Variants in MEF2B observed in about 807,000 individuals in gnomAD.
The protein encoded by MEF2B is myocyte-specific enhancer factor 2B.
In MEF2B, 15 loss-of-function variants were observed where a neutral mutation model predicts 32.2. The observed-to-expected ratio is 0.47, with a 90% CI of 0.31 to 0.72. The LOEUF (loss-of-function observed/expected upper bound fraction) is 0.72, where lower values mean the gene tolerates loss of function less well. Among genes scored for constraint, MEF2B ranks in the 30% least tolerant of loss-of-function variants. The pLI is 0.05. For missense variants in MEF2B, 441 were observed against 511.5 expected, an observed-to-expected ratio of 0.86 and a Z score of 1.33; for synonymous variants, 205 against 225.6, an observed-to-expected ratio of 0.91 and a Z score of 0.82.
chr19:19,149,131 A>G (rs2060052102), intron 3 of MEF2B, 95 bp downstream of exon 3: 1 of 1,461,672 alleles, frequency 6.8e-7, no homozygotes, highest in South Asian at 1.2e-5. Context: ...AGCCAGATGA[A>G]GACACTCATC....
intron 3 of MEF2B, 56 bp from the exon 4 acceptor site, chr19:19,147,888 C>A: frequency 3.2e-6 from 5 of 1,573,978 alleles, no homozygotes; most frequent in Non-Finnish European, 4.3e-6. Context: ...CCCAGGGAAC[C>A]CAGTTCTATG....
At chr19:19,163,461 TTTCTGCA>T (rs1317627374) in intron 1 of MEF2B, among the ~76,000 whole-genome samples, 2 of 152,106 alleles carry the variant, frequency 1.3e-5, no homozygotes, top group Non-Finnish European at 2.9e-5. Context: ...AATTCAACTC[TTTCTGCA>T]GCACCTCAGC....
intron 1 of MEF2B, among the ~76,000 whole-genome samples, chr19:19,168,113 G>A (rs903685997): frequency 3.3e-5 from 5 of 152,160 alleles, no homozygotes; most frequent in South Asian, 4.1e-4. Context: ...CTGGTTCTCC[G>A]AAGTCGAAAT....
chr19:19,148,238 C>T (rs765744404), intron 3 of MEF2B, among the ~76,000 whole-genome samples: 7 of 152,230 alleles, frequency 4.6e-5, no homozygotes, highest in Admixed American at 4.6e-4. Context: ...CCGAGGCAGG[C>T]AGATCGCTTG....
At chr19:19,159,637 G>A (rs2060144531) in intron 1 of MEF2B, among the ~76,000 whole-genome samples, 1 of 152,178 alleles carries the variant, frequency 6.6e-6, no homozygotes, top group South Asian at 2.1e-4. Flanking sequence ...CCTGAGCGAT[G>A]TGGGGGTGAG....
In MEF2B at chr19:19,146,376, G is replaced by A; in HGVS notation, c.778C>T (p.Leu260=). ...FLPGGPPEYG[L]GDPPPPPGLL... ...CCAGGGGGCGGTGGAGGGTCTCCCA[G>A]GCCATATTCTGGTGGGCAGGAATTG... is the stretch of plus-strand genomic sequence containing the variant. Residue 260 remains leucine, a synonymous_variant, in exon 8 of 9, where the codon CTG becomes TTG. Transcript: ENST00000424583. 1 of 1,123,608 alleles carries A rather than the reference G, an allele frequency of 8.9e-7. No individual in the cohort carries two copies. The allele number at this position is 1,123,608 out of a possible 1,614,324, so 69.6% of individuals were successfully genotyped here.
chr19:19,149,190 G>A (rs749336061), intron 3 of MEF2B, 36 bp downstream of exon 3: 8 of 1,609,924 alleles, frequency 5.0e-6, no homozygotes, highest in East Asian at 2.2e-5. Context: ...AGCGTGCACG[G>A]GGCCTTGTGG....
At chr19:19,157,767 G>A (rs991461422) in intron 1 of MEF2B, among the ~76,000 whole-genome samples, 4 of 152,212 alleles carry the variant, frequency 2.6e-5, no homozygotes, top group Non-Finnish European at 5.9e-5. Flanking sequence ...AGAATAGCTT[G>A]AACCCAGGAG....
intron 1 of MEF2B, 31 bp from the exon 2 acceptor site, chr19:19,150,795 A>T: frequency 6.2e-7 from 1 of 1,613,094 alleles, no homozygotes. Context: ...GGACAGAGTG[A>T]GTGGGTGGAG....
chr19:19,150,016 C>T lies in MEF2B; in HGVS notation c.55-587G>A, dbSNP rs542698578. ...AGGAGAATCACTTGAACCCAGGAGG[C>T]GGAGCTTGCAGTGAGCCGAGATCGC... On this transcript the variant is annotated intron_variant, in intron 2 of 8. Transcript: ENST00000424583. 5.1e-5 allele frequency among the ~76,000 whole-genome samples: 7 copies of T among 135,972 alleles called. No individual in the cohort carries two copies. In the South Asian group the frequency reaches 1.7e-3, roughly 34 times the overall value. The allele number at this position is 135,972 out of a possible 152,430, so 89.2% of individuals were successfully genotyped here.
At chr19:19,149,132 G>A in intron 3 of MEF2B, 94 bp downstream of exon 3, 1 of 1,463,904 alleles carries the variant, frequency 6.8e-7, no homozygotes, top group Non-Finnish European at 9.3e-7. Context: ...GCCAGATGAA[G>A]ACACTCATCT....
intron 3 of MEF2B, 64 bp from the exon 4 acceptor site, chr19:19,147,896 A>G (rs1846599899): frequency 6.4e-7 from 1 of 1,564,002 alleles, no homozygotes; most frequent in African/African-American, 1.4e-5. Flanking sequence ...ACCCAGTTCT[A>G]TGGGAGAGGG....
intron 1 of MEF2B, among the ~76,000 whole-genome samples, chr19:19,168,183 C>A (rs559648590): frequency 2.6e-5 from 4 of 152,146 alleles, no homozygotes; most frequent in Non-Finnish European, 5.9e-5. Flanking sequence ...CCCGAATGCC[C>A]AAGGTCCAGG....
At chr19:19,166,974 TG>T (rs1309986386) in intron 1 of MEF2B, among the ~76,000 whole-genome samples, 3 of 151,972 alleles carry the variant, frequency 2.0e-5, no homozygotes, top group African/African-American at 4.8e-5. Flanking sequence ...GATGCCAAGG[TG>T]GGCTGAGTGC....
intron 1 of MEF2B, among the ~76,000 whole-genome samples, chr19:19,163,130 T>C (rs1159300924): frequency 6.6e-6 from 1 of 152,182 alleles, no homozygotes; most frequent in African/African-American, 2.4e-5. Flanking sequence ...GAAAACGCTC[T>C]TTCTGGAGGC....
In MEF2B at chr19:19,146,398, A is replaced by C; in HGVS notation, c.770-14T>G. ...CCAGGCCATATTCTGGTGGGCAGGA[A>C]TTGGGGGCTGAGGCCTGGACATCTC... On this transcript the variant is annotated splice_polypyrimidine_tract_variant and intron_variant, in intron 7 of 8. Coordinates refer to ENST00000424583, the MANE Select transcript of MEF2B (RefSeq NM_001145785.2). The C allele has an allele frequency of 9.2e-7, 1 of 1,084,344 alleles. No homozygotes were observed. The highest frequency in any genetic ancestry group is 1.3e-6 in the Non-Finnish European group (1 of 793,884). The allele number at this position is 1,084,344 out of a possible 1,614,324, so 67.2% of individuals were successfully genotyped here.
intron 3 of MEF2B, among the ~76,000 whole-genome samples, chr19:19,148,244 G>A (rs542927263): frequency 2.6e-5 from 4 of 152,292 alleles, no homozygotes; most frequent in Admixed American, 6.5e-5. Flanking sequence ...CAGGCAGATC[G>A]CTTGAGGTCA....
chr19:19,146,918 T>C, intron 5 of MEF2B, 43 bp from the exon 6 acceptor site: 1 of 1,591,016 alleles, frequency 6.3e-7, no homozygotes, highest in Non-Finnish European at 8.6e-7. Context: ...AGGCAGGCCA[T>C]GTCAACTAAT....
chr19:19,146,003 C>T lies in MEF2B; in HGVS notation c.901G>A (p.Glu301Lys), dbSNP rs200233107. The T allele has an allele frequency of 2.0e-4, 281 of 1,432,954 alleles. No homozygotes were observed. The African/African-American group carries it at 3.4e-3, about 17-fold the overall frequency. 88.8% of individuals were successfully genotyped at this position (1,432,954 alleles called of 1,614,324 possible). A position where few individuals can be genotyped will look rare whatever the true frequency, so the allele number is the denominator to read the frequency against. The part of the protein sequence containing the change: ...SQPSGGRSLG[E>K]EGPPTRGASP... ...GCGCCGCGGGTTGGGGGACCCTCCT[C>T]GCCCAGGCTTCGGCCCCCACTGCAG... The change falls in exon 9 of 9, where the codon GAG (glutamate) becomes AAG (lysine). Residue 301 changes from glutamate to lysine, a missense_variant. Glu to Lys is a moderately conservative substitution (Grantham distance 56). Around this residue, in one of 2 missense-constraint regions of MEF2B, gnomAD observed 326 missense variants for 328.4 expected, o/e 0.99. Transcript: ENST00000424583.
Sources: allele counts gnomAD v4.1 joint callset (sites outside exome capture counted in the v4.1 genomes callset), GRCh38; gene constraint gnomAD v4.1.1; regional missense constraint gnomAD v4.1.1; transcripts MANE v1.5; gene names NCBI Gene and HGNC (gene_info 2026-07-23, HGNC 2026-07-21).